Variants in KCNMB4 observed in about 807,000 individuals in gnomAD.
KCNMB4 encodes potassium calcium-activated channel subfamily M regulatory beta subunit 4, also known as calcium-activated potassium channel subunit beta-4.
KCNMB4 carries 3 observed loss-of-function variants against 20.7 expected under a neutral mutation model. That is an observed-to-expected ratio of 0.14 (90% CI 0.07 to 0.37). The LOEUF is 0.37. Ranked by LOEUF, KCNMB4 falls within the 10% of genes least tolerant of loss-of-function variation. The probability of loss-of-function intolerance (pLI) is 1.00; values close to 1 mark genes in which losing one functional copy is unlikely to be tolerated. For missense variants in KCNMB4, 168 were observed against 265.9 expected, an observed-to-expected ratio of 0.63 and a Z score of 2.56; for synonymous variants, 110 against 113.4, an observed-to-expected ratio of 0.97 and a Z score of 0.19.
Position 70,371,979 on chromosome 12 carries a change from AG to A in KCNMB4, c.336+4912del, listed in dbSNP as rs916268578. Reference sequence around the variant, plus strand: ...TACGTGAAGGGCTCTTCTTTTGGACAGGGTGGTCAGGGAAGGCCGCTCTGAT... The same window carrying A: ...TACGTGAAGGGCTCTTCTTTTGGACAGGTGGTCAGGGAAGGCCGCTCTGAT... On this transcript the variant is annotated intron_variant, in intron 1 of 2. Coordinates refer to ENST00000258111, the MANE Select transcript of KCNMB4 (RefSeq NM_014505.6). 9.2e-5 allele frequency among the ~76,000 whole-genome samples: 14 copies of A among 152,344 alleles called. No individual in the cohort carries two copies. The East Asian group carries it at 9.7e-4, about 11-fold the overall frequency.
At chr12:70,418,417 A>G (rs1218943272) in intron 2 of KCNMB4, among the ~76,000 whole-genome samples, 7 of 152,200 alleles carry the variant, frequency 4.6e-5, no homozygotes, top group Admixed American at 4.6e-4. Context: ...GCAGCTTTTT[A>G]TATGTGTGCA....
At chr12:70,383,411 TG>T (rs1315983815) in intron 1 of KCNMB4, among the ~76,000 whole-genome samples, 5 of 152,226 alleles carry the variant, frequency 3.3e-5, no homozygotes, top group Admixed American at 1.3e-4. Flanking sequence ...TGTGCACTGC[TG>T]GTGGCAACAT....
chr12:70,426,021 G>A (rs999671148), intron 2 of KCNMB4, among the ~76,000 whole-genome samples: 2 of 152,042 alleles, frequency 1.3e-5, no homozygotes, highest in East Asian at 3.9e-4. Flanking sequence ...CAGGCCAGGC[G>A]GGGTGGCTCA....
At chr12:70,400,142 TAAAA>T in intron 1 of KCNMB4, 63 bp from the exon 2 acceptor site, 1 of 1,261,874 alleles carries the variant, frequency 7.9e-7, no homozygotes, top group Non-Finnish European at 1.1e-6. Context: ...CATCTTTCTA[TAAAA>T]AAAGACTGTA....
intron 1 of KCNMB4, among the ~76,000 whole-genome samples, chr12:70,382,119 A>G (rs1419654222): frequency 6.6e-6 from 1 of 152,242 alleles, no homozygotes; most frequent in Non-Finnish European, 1.5e-5. Flanking sequence ...TATACATCTA[A>G]TTAAAATTAA....
intron 2 of KCNMB4, among the ~76,000 whole-genome samples, chr12:70,407,457 ATTCTTTTTTTT>A (rs1868636410): frequency 1.1e-5 from 1 of 93,504 alleles, no homozygotes; most frequent in South Asian, 4.3e-4. Flanking sequence ...GTGGTGCTGA[ATTCTTTTTTTT>A]TTTTTTTTTT....
chr12:70,412,336 A>T (rs11837588), intron 2 of KCNMB4, among the ~76,000 whole-genome samples: 2,970 of 152,306 alleles, frequency 0.02, 102 homozygotes, highest in African/African-American at 0.067. Context: ...ACACATTAGT[A>T]AGAGTGGAGC....
chr12:70,416,896 G>T (rs188666939), intron 2 of KCNMB4, among the ~76,000 whole-genome samples: 1 of 152,088 alleles, frequency 6.6e-6, no homozygotes, highest in Non-Finnish European at 1.5e-5. Context: ...AAAAAAACCG[G>T]TGTGTAATAC....
chr12:70,402,796 G>A (rs1483267739), intron 2 of KCNMB4, among the ~76,000 whole-genome samples: 4 of 152,072 alleles, frequency 2.6e-5, no homozygotes, highest in Admixed American at 6.6e-5. Context: ...CTGGCCTCAA[G>A]GTGGCTCTTT....
chr12:70,367,034 G>C lies in KCNMB4; in HGVS notation c.300G>C (p.Leu100=). 1.3e-6 allele frequency: 2 copies of C among 1,562,142 alleles called. No individual in the cohort carries two copies. Among genetic ancestry groups the C allele is most frequent in the Middle Eastern group, 1.7e-4 (1 of 5,916 alleles). ...CTGAGTCCAACTCTAGGGCGCTGCT[G>C]CACAGCGACGAGCACCAGCTCCTGA... is the stretch of plus-strand genomic sequence containing the variant. The part of the protein sequence containing the change: ...NNSESNSRAL[L]HSDEHQLLTN... Residue 100 remains leucine, a synonymous_variant, in exon 1 of 3, where the codon CTG becomes CTC. Transcript: ENST00000258111.
intron 2 of KCNMB4, among the ~76,000 whole-genome samples, chr12:70,424,632 C>T (rs929448290): frequency 2.0e-5 from 3 of 151,474 alleles, no homozygotes; most frequent in African/African-American, 7.3e-5. Flanking sequence ...CGCCTGTAAT[C>T]CCAGCTACTC....
intron 2 of KCNMB4, among the ~76,000 whole-genome samples, chr12:70,402,352 G>T (rs922734204): frequency 4.6e-5 from 7 of 151,934 alleles, no homozygotes; most frequent in Non-Finnish European, 1.0e-4. Context: ...TATACATCAA[G>T]AAATGCAAGG....
chr12:70,429,795 G>A (rs1474470547), intron 2 of KCNMB4, among the ~76,000 whole-genome samples: 1 of 152,090 alleles, frequency 6.6e-6, no homozygotes, highest in African/African-American at 2.4e-5. Flanking sequence ...TGCAGGAATT[G>A]AAAAATAGAG....
intron 1 of KCNMB4, among the ~76,000 whole-genome samples, chr12:70,383,801 G>T (rs1276417550): frequency 6.6e-6 from 1 of 152,196 alleles, no homozygotes; most frequent in East Asian, 1.9e-4. Context: ...AGGTGCGGTG[G>T]CTTACGCCTG....
chr12:70,409,594 A>G (rs986268643), intron 2 of KCNMB4, among the ~76,000 whole-genome samples: 1 of 152,180 alleles, frequency 6.6e-6, no homozygotes, highest in African/African-American at 2.4e-5. Context: ...TGTAGTCACA[A>G]CAGTAGTATA....
chr12:70,428,910 T>C (rs918615880), intron 2 of KCNMB4, among the ~76,000 whole-genome samples: 1 of 152,252 alleles, frequency 6.6e-6, no homozygotes, highest in Admixed American at 6.5e-5. Flanking sequence ...TTAAAATGAC[T>C]GCGTTTACTT....
At chr12:70,389,928 T>C (rs1593329952) in intron 1 of KCNMB4, among the ~76,000 whole-genome samples, 1 of 152,210 alleles carries the variant, frequency 6.6e-6, no homozygotes, top group Admixed American at 6.5e-5. Flanking sequence ...TGTAGGCCCA[T>C]GTATAGATCA....
At chr12:70,370,307 G>GTTTTTTTTTTTTTTTTTTT (rs5798977) in intron 1 of KCNMB4, among the ~76,000 whole-genome samples, 1 of 149,552 alleles carries the variant, frequency 6.7e-6, no homozygotes, top group Non-Finnish European at 1.5e-5. Flanking sequence ...GTTTTTTTTT[G>GTTTTTTTTTTTTTTTTTTT]TTTTTTTGTT....
intron 1 of KCNMB4, among the ~76,000 whole-genome samples, chr12:70,377,093 T>C (rs997156217): frequency 1.3e-5 from 2 of 152,184 alleles, no homozygotes; most frequent in African/African-American, 2.4e-5. Flanking sequence ...CTCAGGTTGA[T>C]CTACAGATTC....
Sources: allele counts gnomAD v4.1 joint callset (sites outside exome capture counted in the v4.1 genomes callset), GRCh38; gene constraint gnomAD v4.1.1; transcripts MANE v1.5; gene names NCBI Gene and HGNC (gene_info 2026-07-23, HGNC 2026-07-21).